Variants in EDIL3 observed in about 807,000 individuals in gnomAD.
The protein encoded by EDIL3 is EGF-like repeat and discoidin I-like domain-containing protein 3.
EDIL3 carries 37 observed loss-of-function variants against 67.4 expected under a neutral mutation model. That is an observed-to-expected ratio of 0.55 (90% CI 0.42 to 0.72). The LOEUF (loss-of-function observed/expected upper bound fraction) is 0.72. Ranked by LOEUF, EDIL3 falls within the 30% of genes least tolerant of loss-of-function variation. The probability of loss-of-function intolerance (pLI) is 0.00; values close to 1 mark genes in which losing one functional copy is unlikely to be tolerated. For missense variants in EDIL3, 527 were observed against 586.3 expected, an observed-to-expected ratio of 0.90 and a Z score of 1.04; for synonymous variants, 195 against 196.3, an observed-to-expected ratio of 0.99 and a Z score of 0.05.
intron 1 of EDIL3, among the ~76,000 whole-genome samples, chr5:84,348,589 G>T (rs1179052240): frequency 4.1e-5 from 2 of 49,076 alleles, no homozygotes; most frequent in African/African-American, 7.3e-5. Flanking sequence ...ATGTTCCTCT[G>T]TGGCAAAAAA....
chr5:83,995,369 C>T (rs546447458), intron 9 of EDIL3, among the ~76,000 whole-genome samples: 158 of 152,182 alleles, frequency 1.0e-3, no homozygotes, highest in South Asian at 2.3e-3. Context: ...ATTTATTCCA[C>T]GAGGGTCACT....
rs368407385 is a variant in EDIL3, at chr5:83,963,336, C to T, written c.1162G>A (p.Val388Met). Residue 388 changes from valine (V) to methionine (M), a missense_variant, in exon 10 of 11, where the codon GTG becomes ATG. This residue lies in a region of EDIL3 where 494 missense variants were observed against 522.5 expected (regional missense o/e 0.95). Transcript: ENST00000296591. ...GCTCCTTGTGTAATGATGCCAGTCA[C>T]TTTGGTTGGAACAAGAAGATCCACC... ...LQVDLLVPTK[V>M]TGIITQGAKD... 5.0e-5 allele frequency: 80 copies of T among 1,606,774 alleles called. No individual in the cohort carries two copies. The African/African-American group carries it at 7.8e-4, about 16-fold the overall frequency.
intron 1 of EDIL3, among the ~76,000 whole-genome samples, chr5:84,288,764 G>C (rs1404274064): frequency 6.6e-6 from 1 of 150,500 alleles, no homozygotes; most frequent in Non-Finnish European, 1.5e-5. Context: ...CCCAAATCCT[G>C]GCCTTCCTTA....
chr5:84,371,427 G>A (rs974841190), intron 1 of EDIL3, among the ~76,000 whole-genome samples: 3 of 55,872 alleles, frequency 5.4e-5, no homozygotes, highest in East Asian at 9.4e-4. Context: ...GTATATATAT[G>A]TGTGTGTATA....
At chr5:84,093,563 A>C (rs1016419916) in intron 6 of EDIL3, among the ~76,000 whole-genome samples, 9 of 152,148 alleles carry the variant, frequency 5.9e-5, no homozygotes, top group Non-Finnish European at 1.2e-4. Flanking sequence ...AGGCAGAATA[A>C]GCTGGATTAA....
chr5:84,079,912 C>T (rs2112256633), intron 6 of EDIL3, among the ~76,000 whole-genome samples: 2 of 151,942 alleles, frequency 1.3e-5, no homozygotes, highest in South Asian at 4.2e-4. Context: ...ATCATTAACA[C>T]ATTCTGTGAA....
rs62360089 is a variant in EDIL3, at chr5:84,312,372, C to G, written c.68-58160G>C. 1.6e-3 allele frequency among the ~76,000 whole-genome samples: 239 copies of G among 145,576 alleles called. 1 individual carries two copies. Among genetic ancestry groups the G allele is most frequent in the Admixed American group, 3.3e-3 (49 of 14,860 alleles). The stretch of plus-strand genomic sequence containing the variant: ...CTCCCTCCCGGACGGGGCGGCTGGC[C>G]GGGCGGGGGGCTGACTCCCCCACCA... On this transcript the variant is annotated intron_variant, in intron 1 of 10. Transcript: ENST00000296591.
intron 3 of EDIL3, among the ~76,000 whole-genome samples, chr5:84,210,814 T>C (rs558863624): frequency 3.9e-5 from 6 of 152,348 alleles, no homozygotes; most frequent in African/African-American, 1.4e-4. Context: ...ATAACCACTT[T>C]TTAATCCAGA....
intron 8 of EDIL3, among the ~76,000 whole-genome samples, chr5:84,061,954 G>A (rs1037407530): frequency 5.3e-5 from 8 of 151,920 alleles, no homozygotes; most frequent in Non-Finnish European, 1.5e-5. Context: ...ATAACTAATT[G>A]CCTTCTGTCC....
chr5:83,986,995 C>T (rs556924934), intron 9 of EDIL3, among the ~76,000 whole-genome samples: 1 of 152,054 alleles, frequency 6.6e-6, no homozygotes, highest in Non-Finnish European at 1.5e-5. Flanking sequence ...AAGAAAGTTA[C>T]AGTCTAAGGA....
At chr5:84,053,894 T>G (rs1330066113) in intron 9 of EDIL3, among the ~76,000 whole-genome samples, 23 of 152,274 alleles carry the variant, frequency 1.5e-4, no homozygotes, top group African/African-American at 4.8e-4. Flanking sequence ...GAGGAGATGG[T>G]ACCATTCCTT....
chr5:84,105,685 C>A (rs1479345744), intron 6 of EDIL3, among the ~76,000 whole-genome samples: 2 of 151,984 alleles, frequency 1.3e-5, no homozygotes, highest in East Asian at 3.9e-4. Context: ...CGAAGCACAG[C>A]AAACTCGTAC....
intron 1 of EDIL3, among the ~76,000 whole-genome samples, chr5:84,353,975 TA>T (rs1314828812): frequency 3.9e-5 from 6 of 152,210 alleles, no homozygotes; most frequent in Admixed American, 6.5e-5. Flanking sequence ...CTCTCTTCAC[TA>T]GTTACCATTT....
chr5:84,174,092 T>C (rs1748859409), intron 4 of EDIL3, among the ~76,000 whole-genome samples: 1 of 152,094 alleles, frequency 6.6e-6, no homozygotes, highest in Non-Finnish European at 1.5e-5. Flanking sequence ...AGACATGGCA[T>C]GGCATGCTAG....
intron 1 of EDIL3, among the ~76,000 whole-genome samples, chr5:84,302,548 G>A (rs2607365): frequency 0.26 from 40,022 of 152,006 alleles, 6,033 homozygotes; most frequent in Non-Finnish European, 0.35. Context: ...CGCCTGCCTC[G>A]GCCTCGCAAA....
At chr5:84,250,103 G>A (rs1426861727) in intron 2 of EDIL3, among the ~76,000 whole-genome samples, 2 of 152,210 alleles carry the variant, frequency 1.3e-5, no homozygotes, top group Admixed American at 6.5e-5. Flanking sequence ...CTCTGGAGAG[G>A]GAGGCAGCAT....
intron 1 of EDIL3, among the ~76,000 whole-genome samples, chr5:84,302,414 A>G (rs1440946394): frequency 6.6e-6 from 1 of 152,038 alleles, no homozygotes; most frequent in Admixed American, 6.6e-5. Flanking sequence ...CTCCTGCCTC[A>G]GTCTCTCGAG....
chr5:84,361,844 TA>T (rs1193599764), intron 1 of EDIL3, among the ~76,000 whole-genome samples: 1 of 151,844 alleles, frequency 6.6e-6, no homozygotes, highest in African/African-American at 2.4e-5. Context: ...AATGTATGAG[TA>T]AAGAGACAAC....
intron 10 of EDIL3, among the ~76,000 whole-genome samples, chr5:83,948,407 A>G (rs1247419191): frequency 2.0e-5 from 3 of 151,716 alleles, no homozygotes; most frequent in Non-Finnish European, 4.4e-5. Context: ...TAAGTGATGT[A>G]AAGTCTTATG....
Sources: gnomAD v4.1 joint callset for allele counts (sites outside exome capture counted in the v4.1 genomes callset) on GRCh38, gnomAD v4.1.1 for gene constraint, gnomAD v4.1.1 regional missense constraint, MANE v1.5 for transcripts, NCBI Gene and HGNC (gene_info 2026-07-23, HGNC 2026-07-21) for gene names.